GCNT1: variants seen among roughly 807,000 people sequenced by gnomAD.
GCNT1 encodes the protein beta-1,3-galactosyl-O-glycosyl-glycoprotein beta-1,6-N-acetylglucosaminyltransferase.
A neutral mutation model predicts 26.2 loss-of-function variants in GCNT1; 16 were observed. The ratio of observed to expected loss-of-function variants is 0.61; its 90% confidence interval spans 0.41 to 0.93. The LOEUF (loss-of-function observed/expected upper bound fraction) is 0.93, where lower values mean the gene tolerates loss of function less well. GCNT1 is among the 40% of genes least tolerant of loss of function. GCNT1 has a pLI of 0.00. For synonymous variants in GCNT1, 183 were observed against 190.8 expected (o/e 0.96, Z 0.34); for missense variants, 477 against 526.7 (o/e 0.91, Z 0.92).
Position 76,503,399 on chromosome 9 carries a change from C to T in GCNT1, c.1018C>T (p.His340Tyr), listed in dbSNP as rs1461601090. The T allele has an allele frequency of 1.2e-6, 2 of 1,614,022 alleles. No individual in the cohort carries two copies. The highest frequency in any genetic ancestry group is 2.7e-5 in the African/African-American group (2 of 74,914). ...AGTCCCGGGCTCACTCCCTGCCAGC[C>T]ATAAGTATGATCTGTCTGACATGCA... ...PEVPGSLPAS[H>Y]KYDLSDMQAV... The change falls in exon 4 of 4, where the codon CAT becomes TAT. Residue 340 changes from histidine (H) to tyrosine (Y), a missense_variant. His to Tyr is a moderately conservative substitution (Grantham distance 83). Transcript: ENST00000376730.
chr9:76,493,788 C>T (rs982430726), intron 2 of GCNT1, among the ~76,000 whole-genome samples: 1 of 152,078 alleles, frequency 6.6e-6, no homozygotes. Flanking sequence ...GAAAAGAAAG[C>T]TTGGACATAA....
At chr9:76,419,522 A>G (rs1469704798), upstream of GCNT1, among the ~76,000 whole-genome samples, 2 of 152,070 alleles carry the variant, frequency 1.3e-5, no homozygotes, top group African/African-American at 4.8e-5. Context: ...TTAGCCAGGC[A>G]TGGGGTGTGG....
chr9:76,454,413 A>T (rs1823719073), upstream of GCNT1, among the ~76,000 whole-genome samples: 1 of 150,368 alleles, frequency 6.7e-6, no homozygotes, highest in South Asian at 2.1e-4. Context: ...AAAAAAAAAA[A>T]AGAACCAGTA....
At chr9:76,411,783 C>A in the GCNT1 span, among the ~76,000 whole-genome samples, 2 of 146,556 alleles carry the variant, frequency 1.4e-5, no homozygotes, top group Non-Finnish European at 3.0e-5. Flanking sequence ...CTCACTGCAA[C>A]CTCCACCTCC....
intron 2 of GCNT1, among the ~76,000 whole-genome samples, chr9:76,484,962 T>C (rs543360084): frequency 2.6e-5 from 4 of 151,500 alleles, no homozygotes; most frequent in Non-Finnish European, 4.4e-5. Context: ...CTAATTTTTG[T>C]ATTTTTAGTA....
the GCNT1 span, among the ~76,000 whole-genome samples, chr9:76,404,683 T>C: frequency 1.3e-5 from 2 of 152,108 alleles, 1 homozygote; most frequent in Admixed American, 1.3e-4. Flanking sequence ...GCTACCCTTC[T>C]AGAGAAAGAG....
At chr9:76,445,402 A>AT (rs1823558705) in intron 1 of GCNT1, among the ~76,000 whole-genome samples, 1 of 151,636 alleles carries the variant, frequency 6.6e-6, no homozygotes, top group South Asian at 2.1e-4. Flanking sequence ...TTATTTATTT[A>AT]TTTTTTTGAC....
At chr9:76,408,973 G>C in the GCNT1 span, among the ~76,000 whole-genome samples, 1 of 152,152 alleles carries the variant, frequency 6.6e-6, no homozygotes, top group African/African-American at 2.4e-5. Flanking sequence ...ACAGGTGTGG[G>C]CCACCATGCC....
At chr9:76,498,801 G>A (rs1354118536) in intron 2 of GCNT1, among the ~76,000 whole-genome samples, 7 of 150,544 alleles carry the variant, frequency 4.6e-5, no homozygotes, top group Non-Finnish European at 1.0e-4. Context: ...GAAAAAAAGT[G>A]TATACACACA....
At chr9:76,463,894 A>G (rs943012381) in intron 2 of GCNT1, among the ~76,000 whole-genome samples, 5 of 152,072 alleles carry the variant, frequency 3.3e-5, no homozygotes, top group African/African-American at 1.2e-4. Flanking sequence ...TTAAAAAATG[A>G]TATTTAAAAT....
intron 1 of GCNT1, among the ~76,000 whole-genome samples, chr9:76,427,594 T>C (rs1305032618): frequency 3.9e-5 from 6 of 152,200 alleles, no homozygotes; most frequent in Non-Finnish European, 5.9e-5. Flanking sequence ...GTTATACTTT[T>C]GAGAATGAAT....
Position 76,504,921 on chromosome 9 carries a change from T to G in GCNT1, c.*1253T>G, listed in dbSNP as rs562614360. 2.3e-4 allele frequency: 94 copies of G among 413,300 alleles called. No individual in the cohort carries two copies. The highest frequency in any genetic ancestry group is 6.3e-4 in the Middle Eastern group (1 of 1,588). The allele number at this position is 413,300 out of a possible 1,614,324, so 25.6% of individuals were successfully genotyped here. ...CTTTGGGTTTGGGACAGATTTTTTT[T>G]TTTGTTTTTGGTATCATTCACAGCA... is the stretch of plus-strand genomic sequence containing the variant. On this transcript the variant is annotated 3_prime_UTR_variant, in exon 4 of 4. Coordinates refer to ENST00000376730, the MANE Select transcript of GCNT1 (RefSeq NM_001490.5).
At chr9:76,454,444 G>T (rs1823720125), upstream of GCNT1, among the ~76,000 whole-genome samples, 1 of 150,744 alleles carries the variant, frequency 6.6e-6, no homozygotes, top group Admixed American at 6.6e-5. Context: ...GGATGAGCAG[G>T]TGGCCCAATC....
intron 2 of GCNT1, among the ~76,000 whole-genome samples, chr9:76,491,404 T>C (rs1824734102): frequency 6.6e-6 from 1 of 152,236 alleles, no homozygotes; most frequent in African/African-American, 2.4e-5. Flanking sequence ...CTTGTGGTAT[T>C]TAATGGGTGT....
At chr9:76,394,260 CGGGG>C in the GCNT1 span, 1 of 1,369,828 alleles carries the variant, frequency 7.3e-7, no homozygotes, top group Non-Finnish European at 1.0e-6. Flanking sequence ...CCGGACCAGC[CGGGG>C]GACAGGAGCG....
chr9:76,482,190 C>T (rs929162128), intron 2 of GCNT1, among the ~76,000 whole-genome samples: 22 of 152,100 alleles, frequency 1.4e-4, no homozygotes, highest in African/African-American at 5.1e-4. Context: ...GGCGAATTGC[C>T]TCCCAACAAA....
intron 2 of GCNT1, among the ~76,000 whole-genome samples, chr9:76,478,384 C>T (rs1019036223): frequency 7.2e-5 from 11 of 152,254 alleles, no homozygotes; most frequent in East Asian, 1.9e-4. Flanking sequence ...CGAAGGTCTG[C>T]GGCTTCATTC....
At chr9:76,484,088 A>G (rs1057051897) in intron 2 of GCNT1, among the ~76,000 whole-genome samples, 27 of 152,252 alleles carry the variant, frequency 1.8e-4, no homozygotes, top group African/African-American at 6.3e-4. Context: ...TCTATCAGAA[A>G]GTAAAACTGA....
intron 2 of GCNT1, among the ~76,000 whole-genome samples, chr9:76,491,477 A>G (rs990135287): frequency 1.6e-4 from 24 of 152,074 alleles, no homozygotes; most frequent in Admixed American, 1.1e-3. Context: ...AGGATTAGAT[A>G]AGCATACTTG....
Sources: allele counts gnomAD v4.1 joint callset (sites outside exome capture counted in the v4.1 genomes callset), GRCh38; gene constraint gnomAD v4.1.1; transcripts MANE v1.5; gene names NCBI Gene and HGNC (gene_info 2026-07-23, HGNC 2026-07-21).